Variants in IQCK observed in about 807,000 individuals in gnomAD.
The protein encoded by IQCK is IQ motif containing K.
In IQCK, 29 loss-of-function variants were observed where a neutral mutation model predicts 28.1. That is an observed-to-expected ratio of 1.03 (90% CI 0.77 to 1.41). The LOEUF is 1.41. Among genes scored for constraint, IQCK ranks in the 40% most tolerant of loss-of-function variants. IQCK has a pLI of 0.00. For missense variants in IQCK, 359 were observed against 314.7 expected (o/e 1.14, Z -1.07); for synonymous variants, 113 against 115.1 (o/e 0.98, Z 0.12).
intron 9 of IQCK, among the ~76,000 whole-genome samples, chr16:19,844,956 A>G (rs1197584860): frequency 6.6e-6 from 1 of 152,094 alleles, no homozygotes; most frequent in Non-Finnish European, 1.5e-5. Flanking sequence ...CTACAGGCAC[A>G]CGTCACCATG....
chr16:19,720,774 T>C (rs997651292), intron 1 of IQCK, among the ~76,000 whole-genome samples: 2 of 152,164 alleles, frequency 1.3e-5, no homozygotes, highest in Non-Finnish European at 1.5e-5. Flanking sequence ...CCCAGCACTT[T>C]GGGAGGCCAA....
intron 2 of IQCK, among the ~76,000 whole-genome samples, chr16:19,732,087 A>T (rs1204821946): frequency 1.3e-5 from 2 of 152,170 alleles, no homozygotes; most frequent in Non-Finnish European, 2.9e-5. Flanking sequence ...GCCTTCCTCA[A>T]CGTTTTGTTC....
At chr16:19,770,774 C>A (rs1368192475) in intron 6 of IQCK, among the ~76,000 whole-genome samples, 2 of 152,174 alleles carry the variant, frequency 1.3e-5, no homozygotes, top group Non-Finnish European at 2.9e-5. Context: ...AGGCATGCGC[C>A]ACCATGCCCG....
intron 4 of IQCK, among the ~76,000 whole-genome samples, chr16:19,738,861 C>G (rs1022383519): frequency 6.6e-6 from 1 of 152,168 alleles, no homozygotes; most frequent in Non-Finnish European, 1.5e-5. Context: ...CATCCAATTC[C>G]ACAGTGATCT....
In IQCK at chr16:19,749,484, G is replaced by C. The variant is rs187419914; in HGVS notation, c.474+14034G>C. Among the ~76,000 whole-genome samples, 65 of 152,292 alleles carry C rather than the reference G, an allele frequency of 4.3e-4. 1 individual carries two copies. The highest frequency in any genetic ancestry group is 1.3e-3 in the African/African-American group (54 of 41,550). On this transcript the variant is annotated intron_variant, in intron 4 of 7. Transcript: ENST00000564186. ...ACCCTTTAAGAAAAAGTTTGACTGG[G>C]CATGGTGGCTCACATATATAGCCTC...
intron 1 of IQCK, among the ~76,000 whole-genome samples, chr16:19,724,348 C>T (rs980949453): frequency 7.9e-5 from 12 of 152,098 alleles, no homozygotes; most frequent in African/African-American, 2.7e-4. Context: ...CATTCATCCC[C>T]TCTCTGGAAC....
intron 4 of IQCK, among the ~76,000 whole-genome samples, chr16:19,762,736 C>T (rs182818881): frequency 1.3e-5 from 2 of 152,104 alleles, no homozygotes; most frequent in Admixed American, 1.3e-4. Flanking sequence ...TAACTTTGGC[C>T]GGGCACAGTG....
At chr16:19,856,360 A>G in intron 9 of IQCK, 127 bp from the exon 9 acceptor site, 1 of 697,622 alleles carries the variant, frequency 1.4e-6, no homozygotes, top group Non-Finnish European at 2.5e-6. Context: ...CGGAACCATG[A>G]ATAGCAGGCG....
At chr16:19,782,488 A>G (rs2055501204) in intron 6 of IQCK, among the ~76,000 whole-genome samples, 2 of 151,384 alleles carry the variant, frequency 1.3e-5, no homozygotes, top group South Asian at 4.2e-4. Flanking sequence ...ATTAGCTGGG[A>G]ATGGTGGTGT....
intron 4 of IQCK, among the ~76,000 whole-genome samples, chr16:19,740,747 G>A (rs1323485564): frequency 1.3e-5 from 2 of 151,966 alleles, no homozygotes; most frequent in East Asian, 1.9e-4. Flanking sequence ...GAGGCATGTG[G>A]ATCATGCAGT....
Position 19,799,250 on chromosome 16 carries a change from G to GTA in IQCK, c.690+10340_690+10341dup, listed in dbSNP as rs888710056. The stretch of plus-strand genomic sequence containing the variant: ...CCTCACAAATTTTAATTCTTCTATG[G>GTA]TATATATATATATTTTTTTTATTTT... On this transcript the variant is annotated intron_variant, in intron 7 of 7. Coordinates refer to ENST00000564186, the Ensembl canonical transcript of IQCK. Among the ~76,000 whole-genome samples the GTA allele has an allele frequency of 3.6e-3, 360 of 101,258 alleles. 17 individuals carry two copies. The highest frequency in any genetic ancestry group is 3.6e-3 in the Non-Finnish European group (211 of 59,390). 66.4% of individuals were successfully genotyped at this position (101,258 alleles called of 152,430 possible).
chr16:19,725,820 C>T (rs1445349338), intron 1 of IQCK, among the ~76,000 whole-genome samples: 1 of 152,170 alleles, frequency 6.6e-6, no homozygotes, highest in East Asian at 1.9e-4. Flanking sequence ...CATACTTCTA[C>T]ATAATCATTT....
intron 7 of IQCK, among the ~76,000 whole-genome samples, chr16:19,824,254 T>A (rs1313891702): frequency 1.3e-5 from 2 of 152,220 alleles, no homozygotes; most frequent in Non-Finnish European, 2.9e-5. Context: ...CATCTGGCAC[T>A]AGTTAGATTC....
At chr16:19,831,746 G>A (rs1425725933), downstream of IQCK, among the ~76,000 whole-genome samples, 2 of 151,680 alleles carry the variant, frequency 1.3e-5, no homozygotes, top group East Asian at 1.9e-4. Flanking sequence ...ATTGTGCTCC[G>A]GCATTTACAG....
In IQCK at chr16:19,718,602, G is replaced by T; in HGVS notation, c.181+115G>T. The T allele has an allele frequency of 2.1e-6, 2 of 955,082 alleles. 1 individual carries two copies. The allele number at this position is 955,082 out of a possible 1,614,324, so 59.2% of individuals were successfully genotyped here. ...TGACGGGCGGGGCCGCCGGGCAGCG[G>T]CTCCGCGGGCCCGGGCTCCGCATTT... On this transcript the variant is annotated intron_variant, in intron 1 of 7. Coordinates refer to ENST00000564186, the Ensembl canonical transcript of IQCK.
intron 9 of IQCK, among the ~76,000 whole-genome samples, chr16:19,834,450 A>T (rs990256233): frequency 9.9e-5 from 15 of 152,182 alleles, no homozygotes; most frequent in African/African-American, 3.6e-4. Context: ...CTGTAACCCA[A>T]GTGCCCAATA....
chr16:19,775,183 C>T (rs1305455360), intron 6 of IQCK, among the ~76,000 whole-genome samples: 8 of 149,196 alleles, frequency 5.4e-5, no homozygotes, highest in Middle Eastern at 3.4e-3. Flanking sequence ...GCCGAGATTG[C>T]GCCACTGTAC....
chr16:19,744,048 G>T (rs187024111), intron 4 of IQCK, among the ~76,000 whole-genome samples: 1 of 152,124 alleles, frequency 6.6e-6, no homozygotes, highest in Non-Finnish European at 1.5e-5. Flanking sequence ...TGTGGTACAT[G>T]GTTCAGCAAT....
At chr16:19,730,556 C>G in intron 2 of IQCK, 62 bp downstream of exon 2, 1 of 1,281,532 alleles carries the variant, frequency 7.8e-7, no homozygotes, top group Non-Finnish European at 1.1e-6. Flanking sequence ...GCATTGATGG[C>G]CTGTGAATGT....
Sources: allele counts gnomAD v4.1 joint callset (sites outside exome capture counted in the v4.1 genomes callset), GRCh38; gene constraint gnomAD v4.1.1; transcripts MANE v1.5; gene names NCBI Gene and HGNC (gene_info 2026-07-23, HGNC 2026-07-21).